Variants in COL5A1 observed in about 807,000 individuals in gnomAD.
The protein encoded by COL5A1 is collagen type V alpha 1 chain, also known as collagen alpha-1(V) chain.
COL5A1 carries 16 observed loss-of-function variants against 263.7 expected under a neutral mutation model. The ratio of observed to expected loss-of-function variants is 0.06; its 90% CI spans 0.04 to 0.09. COL5A1 has a LOEUF of 0.09. COL5A1 is among the 10% of genes least tolerant of loss of function. The probability of loss-of-function intolerance (pLI) is 1.00; values close to 1 mark genes in which losing one functional copy is unlikely to be tolerated. For missense variants in COL5A1, 2,036 were observed against 2,540.5 expected (o/e 0.80, Z 4.27); for synonymous variants, 1,012 against 1,004.5 (o/e 1.01, Z -0.14).
At chr9:134,822,211 T>TG in intron 59 of COL5A1, 61 bp downstream of exon 59, 1 of 1,341,972 alleles carries the variant, frequency 7.5e-7, no homozygotes, top group Non-Finnish European at 1.1e-6. Flanking sequence ...GGATAAGCCT[T>TG]GGGGCCTCAG....
intron 1 of COL5A1, among the ~76,000 whole-genome samples, chr9:134,684,482 G>T (rs1417472226): frequency 6.6e-6 from 1 of 152,246 alleles, no homozygotes; most frequent in African/African-American, 2.4e-5. Flanking sequence ...TGCCTCACCA[G>T]CTCAGTTTCA....
At chr9:134,782,611 G>T (rs747395136) in intron 28 of COL5A1, 56 bp from the exon 29 acceptor site, 3 of 1,541,934 alleles carry the variant, frequency 1.9e-6, no homozygotes, top group Non-Finnish European at 2.7e-6. Flanking sequence ...GGAAGGGACC[G>T]CCAGGGAGGC....
intron 17 of COL5A1, 86 bp downstream of exon 17, chr9:134,756,904 G>A: frequency 3.9e-6 from 5 of 1,284,052 alleles, no homozygotes; most frequent in East Asian, 2.3e-5. Flanking sequence ...TGCTGGTTAT[G>A]TGATGACTAC....
intron 18 of COL5A1, among the ~76,000 whole-genome samples, chr9:134,759,412 C>T (rs951248450): frequency 2.8e-5 from 4 of 142,724 alleles, no homozygotes; most frequent in African/African-American, 1.1e-4. Flanking sequence ...CACCCACACA[C>T]ACCCACACTC....
intron 18 of COL5A1, among the ~76,000 whole-genome samples, chr9:134,760,009 C>T (rs566556581): frequency 4.8e-4 from 60 of 123,874 alleles, no homozygotes; most frequent in Non-Finnish European, 7.7e-4. Context: ...CACACTCATA[C>T]ACACATGCAC....
chr9:134,825,749 C>A (rs1360479711), intron 62 of COL5A1, 43 bp from the exon 63 acceptor site: 2 of 1,335,328 alleles, frequency 1.5e-6, no homozygotes, highest in Admixed American at 1.7e-5. Flanking sequence ...AGGGAGCAAT[C>A]CTTCTGACTC....
chr9:134,796,804 G>T (rs762210991), intron 35 of COL5A1, 44 bp from the exon 36 acceptor site: 1 of 1,588,026 alleles, frequency 6.3e-7, no homozygotes, highest in Non-Finnish European at 8.6e-7. Context: ...GGAGCTGCTC[G>T]GGAGAGACCT....
chr9:134,705,250 A>C (rs895645344), intron 4 of COL5A1, among the ~76,000 whole-genome samples: 1 of 151,560 alleles, frequency 6.6e-6, no homozygotes, highest in Non-Finnish European at 1.5e-5. Context: ...CTCAGGGCCA[A>C]GACACATGTG....
Position 134,642,302 on chromosome 9 carries a change from G to A in COL5A1, c.109+6G>A. ...GCCGCCTCCGAGCCGCGCAGGTAAG[G>A]GCGCCCCGGGGCGCGGGGCTGCGGG... On this transcript the variant is annotated splice_donor_region_variant and intron_variant, in intron 1 of 65. Transcript: ENST00000371817. This position sits in a 1 kb window ranked among gnomAD's most constrained non-coding sequence, Gnocchi z 4.5. The A allele has an allele frequency of 1.1e-6, 1 of 929,866 alleles. No homozygotes were observed. The highest frequency in any genetic ancestry group is 1.4e-6 in the Non-Finnish European group (1 of 733,412). 57.6% of individuals were successfully genotyped at this position (929,866 alleles called of 1,614,324 possible).
intron 25 of COL5A1, among the ~76,000 whole-genome samples, chr9:134,769,828 C>T (rs144376265): frequency 1.7e-4 from 26 of 151,824 alleles, no homozygotes; most frequent in Middle Eastern, 3.4e-3. Context: ...TTTCCTTCTG[C>T]GGGGAGGAAG....
chr9:134,721,599 G>A lies in COL5A1; in HGVS notation c.655-5667G>A, dbSNP rs534524617. ...GGCAGGTGTCTCACTGGAGTCCTGC[G>A]GGGTGGGTTACAGCCTTTCCCTCTG... is the stretch of plus-strand genomic sequence containing the variant. On this transcript the variant is annotated intron_variant, in intron 4 of 65. Coordinates refer to ENST00000371817, the MANE Select transcript of COL5A1 (RefSeq NM_000093.5). 8.5e-5 allele frequency among the ~76,000 whole-genome samples: 13 copies of A among 152,284 alleles called. No homozygotes were observed. In the East Asian group the frequency reaches 1.9e-3, roughly 23 times the overall value.
At chr9:134,830,300 T>G (rs1391293205) in intron 64 of COL5A1, 2 of 962,780 alleles carry the variant, frequency 2.1e-6, no homozygotes, top group African/African-American at 1.6e-5. Context: ...CCGCTCCACA[T>G]CACGTGACAG....
chr9:134,803,277 G>T lies in COL5A1; in HGVS notation c.3114+282G>T, dbSNP rs374036239. ...AGCTGCCAGCCCTGCTCCCAGAAATGGATAAAAAGCTCTGGGACTTCATGT... is the reference window on the plus strand; with the variant it reads ...AGCTGCCAGCCCTGCTCCCAGAAATTGATAAAAAGCTCTGGGACTTCATGT... On this transcript the variant is annotated intron_variant, in intron 39 of 65. Transcript: ENST00000371817. 2.9e-3 allele frequency among the ~76,000 whole-genome samples: 441 copies of T among 152,276 alleles called. 2 individuals carry two copies. Among genetic ancestry groups the T allele is most frequent in the African/African-American group, 0.01 (417 of 41,562 alleles).
intron 43 of COL5A1, among the ~76,000 whole-genome samples, chr9:134,809,964 A>G (rs1352107282): frequency 6.6e-6 from 1 of 152,224 alleles, no homozygotes; most frequent in Admixed American, 6.5e-5. Flanking sequence ...TTAGGTTGTC[A>G]TGGTAGTGGC....
At chr9:134,735,376 A>G (rs752512447) in intron 9 of COL5A1, among the ~76,000 whole-genome samples, 4 of 152,130 alleles carry the variant, frequency 2.6e-5, no homozygotes, top group Admixed American at 6.5e-5. Flanking sequence ...TCTTTTGGCA[A>G]ATGACATCTA....
chr9:134,803,542 G>T (rs927224505), intron 39 of COL5A1, among the ~76,000 whole-genome samples: 2 of 152,208 alleles, frequency 1.3e-5, no homozygotes, highest in African/African-American at 4.8e-5. Flanking sequence ...GGCTGAGGCA[G>T]GAGAATCGCT....
At chr9:134,739,295 C>G in intron 11 of COL5A1, among the ~76,000 whole-genome samples, 1 of 152,298 alleles carries the variant, frequency 6.6e-6, no homozygotes, top group Non-Finnish European at 1.5e-5. Context: ...CCCTGGCTGC[C>G]GCGATTTCCT....
At chr9:134,839,334 C>T (rs547180274) in intron 65 of COL5A1, among the ~76,000 whole-genome samples, 8 of 152,234 alleles carry the variant, frequency 5.3e-5, no homozygotes, top group South Asian at 2.1e-4. Context: ...CAGAGCGGCT[C>T]GCAGCGGCCT....
chr9:134,732,159 C>T lies in COL5A1; in HGVS notation c.1389+32C>T, dbSNP rs200261387. Reference sequence around the variant, plus strand: ...ACATTTTCTCATTCCCTCCCTGCGCCGGGGTGTCCGCTGCTCGGGGTCACA... The same window carrying T: ...ACATTTTCTCATTCCCTCCCTGCGCTGGGGTGTCCGCTGCTCGGGGTCACA... On this transcript the variant is annotated intron_variant, in intron 9 of 65. Transcript: ENST00000371817. 7.6e-5 allele frequency: 122 copies of T among 1,612,734 alleles called. No homozygotes were observed. The Admixed American group carries it at 1.2e-3, about 15-fold the overall frequency.
Sources: allele counts gnomAD v4.1 joint callset (sites outside exome capture counted in the v4.1 genomes callset), GRCh38; gene constraint gnomAD v4.1.1; non-coding constraint Gnocchi (gnomAD v3.1); transcripts MANE v1.5; gene names NCBI Gene and HGNC (gene_info 2026-07-23, HGNC 2026-07-21).